Variants in CCM2 observed in about 807,000 individuals in gnomAD.
The protein encoded by CCM2 is CCM2 scaffold protein.
CCM2 carries 25 observed loss-of-function variants against 44.9 expected under a neutral mutation model. The observed-to-expected ratio is 0.56, with a 90% CI of 0.41 to 0.78. The LOEUF is 0.78. Ranked by LOEUF, CCM2 falls within the 30% of genes least tolerant of loss-of-function variation. CCM2 has a pLI of 0.00. For missense variants in CCM2, 481 were observed against 580.6 expected, an observed-to-expected ratio of 0.83 and a Z score of 1.76; for synonymous variants, 219 against 241.1, an observed-to-expected ratio of 0.91 and a Z score of 0.85.
intron 1 of CCM2, among the ~76,000 whole-genome samples, chr7:45,024,827 A>G (rs1796619939): frequency 6.6e-6 from 1 of 152,024 alleles, no homozygotes; most frequent in South Asian, 2.1e-4. Flanking sequence ...GAAATTCTGC[A>G]GTTTTGTGAA....
At chr7:45,004,450 A>T (rs921421215) in intron 1 of CCM2, among the ~76,000 whole-genome samples, 2 of 152,150 alleles carry the variant, frequency 1.3e-5, no homozygotes, top group Non-Finnish European at 2.9e-5. Flanking sequence ...TAAAAAGTGG[A>T]GGGGAAAAGA....
At chr7:45,012,529 A>G (rs1233210278) in intron 1 of CCM2, among the ~76,000 whole-genome samples, 1 of 152,078 alleles carries the variant, frequency 6.6e-6, no homozygotes, top group Non-Finnish European at 1.5e-5. Context: ...TGATATTAAT[A>G]TAGCTACACC....
chr7:45,063,426 T>C (rs1409372676), intron 2 of CCM2, among the ~76,000 whole-genome samples: 1 of 152,206 alleles, frequency 6.6e-6, no homozygotes, highest in African/African-American at 2.4e-5. Flanking sequence ...GGACTAAGTT[T>C]CCAGCACATG....
chr7:44,999,873 C>A (rs1170704764), upstream of CCM2: 2 of 383,638 alleles, frequency 5.2e-6, no homozygotes, highest in African/African-American at 4.3e-5. Flanking sequence ...TTCTCGCGGC[C>A]GTGCAGAAGC....
intron 1 of CCM2, among the ~76,000 whole-genome samples, chr7:45,021,914 C>T (rs1796497837): frequency 6.6e-6 from 1 of 152,084 alleles, no homozygotes; most frequent in South Asian, 2.1e-4. Flanking sequence ...TAGGTAGCAA[C>T]CTTTTTTTCA....
At chr7:45,005,988 ATTGTTTAT>A (rs1165066931) in intron 1 of CCM2, among the ~76,000 whole-genome samples, 3 of 152,144 alleles carry the variant, frequency 2.0e-5, no homozygotes, top group Non-Finnish European at 2.9e-5. Flanking sequence ...CCATTAAACT[ATTGTTTAT>A]TAGCACCAAT....
chr7:45,036,253 C>T (rs1008724989), intron 1 of CCM2, among the ~76,000 whole-genome samples: 15 of 151,956 alleles, frequency 9.9e-5, no homozygotes, highest in Admixed American at 6.6e-5. Flanking sequence ...TTTTTGTTTT[C>T]GTTTTTATTG....
intron 1 of CCM2, among the ~76,000 whole-genome samples, chr7:45,035,757 T>A (rs964848713): frequency 2.0e-5 from 3 of 152,166 alleles, no homozygotes; most frequent in African/African-American, 7.2e-5. Flanking sequence ...TAGGCTGTGA[T>A]GCTGGTCCAA....
At chr7:45,074,225 T>C (rs1368368012) in intron 8 of CCM2, 45 bp from the exon 9 acceptor site, 2 of 1,612,556 alleles carry the variant, frequency 1.2e-6, no homozygotes, top group Non-Finnish European at 1.7e-6. Flanking sequence ...CTGCCGACTC[T>C]TGCCTACTGT....
chr7:45,041,363 A>G (rs905209784), intron 2 of CCM2, among the ~76,000 whole-genome samples: 4 of 152,228 alleles, frequency 2.6e-5, no homozygotes, highest in Non-Finnish European at 2.9e-5. Flanking sequence ...TCTAAAATCT[A>G]AAATCCTTGG....
chr7:45,009,122 C>T (rs1203051646), intron 1 of CCM2, among the ~76,000 whole-genome samples: 2 of 151,658 alleles, frequency 1.3e-5, no homozygotes, highest in East Asian at 2.0e-4. Context: ...GCCAACATGG[C>T]GAAATGCTAT....
intron 2 of CCM2, among the ~76,000 whole-genome samples, chr7:45,059,065 G>A (rs1217899512): frequency 6.6e-6 from 1 of 151,398 alleles, no homozygotes; most frequent in Non-Finnish European, 1.5e-5. Flanking sequence ...ATTTTTAGTA[G>A]AGATGGGGTT....
intron 2 of CCM2, among the ~76,000 whole-genome samples, chr7:45,053,360 C>T (rs187443119): frequency 3.3e-5 from 5 of 152,308 alleles, no homozygotes; most frequent in Admixed American, 3.3e-4. Flanking sequence ...GATCTAGAAA[C>T]GGAGTCAGGG....
At chr7:45,029,090 C>T (rs1487184457) in intron 1 of CCM2, among the ~76,000 whole-genome samples, 1 of 152,140 alleles carries the variant, frequency 6.6e-6, no homozygotes, top group East Asian at 1.9e-4. Context: ...AGTCATTTTC[C>T]CTCATTCCTG....
chr7:45,017,629 T>G (rs1243006785), intron 1 of CCM2, among the ~76,000 whole-genome samples: 1 of 152,198 alleles, frequency 6.6e-6, no homozygotes, highest in East Asian at 1.9e-4. Flanking sequence ...TGGTGTCTTT[T>G]TTTCCCCATG....
chr7:45,044,146 C>T (rs913777860), intron 2 of CCM2, among the ~76,000 whole-genome samples: 6 of 151,864 alleles, frequency 4.0e-5, no homozygotes, highest in African/African-American at 9.7e-5. Context: ...TGTTTTGTTT[C>T]GTTTTGGGAT....
intron 1 of CCM2, among the ~76,000 whole-genome samples, chr7:45,026,176 A>AG (rs1796682950): frequency 6.6e-6 from 1 of 152,162 alleles, no homozygotes; most frequent in Admixed American, 6.5e-5. Flanking sequence ...GCCTACCTGA[A>AG]GGTCAGGGTC....
chr7:45,023,808 T>G (rs796135661), intron 1 of CCM2, among the ~76,000 whole-genome samples: 3,194 of 128,092 alleles, frequency 0.025, 206 homozygotes, highest in South Asian at 0.091. Flanking sequence ...TTTTTTTTTT[T>G]TTTTTTTTTT....
Position 45,001,513 on chromosome 7 carries a change from G to T in CCM2, c.30+1150G>T, listed in dbSNP as rs116065579. Among the ~76,000 whole-genome samples the T allele has an allele frequency of 6.2e-3, 948 of 152,366 alleles. 11 individuals carry two copies. Among genetic ancestry groups the T allele is most frequent in the African/African-American group, 0.021 (865 of 41,592 alleles). On this transcript the variant is annotated intron_variant, in intron 1 of 9. Coordinates refer to ENST00000258781, the MANE Select transcript of CCM2 (RefSeq NM_031443.4). Reference sequence around the variant, plus strand: ...GCTGGAAAGGAGAGGTGCTAACCCGGTGGCTGCTTAGTAGGGACCATCAGG... The same window carrying T: ...GCTGGAAAGGAGAGGTGCTAACCCGTTGGCTGCTTAGTAGGGACCATCAGG...
Sources: allele counts gnomAD v4.1 joint callset (sites outside exome capture counted in the v4.1 genomes callset), GRCh38; gene constraint gnomAD v4.1.1; transcripts MANE v1.5; gene names NCBI Gene and HGNC (gene_info 2026-07-23, HGNC 2026-07-21).